The following MAP3K3 variants were observed in gnomAD, a reference collection of about 807,000 sequenced individuals.
The protein encoded by MAP3K3 is mitogen-activated protein kinase kinase kinase 3.
MAP3K3 carries 12 observed loss-of-function variants against 80.9 expected under a neutral mutation model. The ratio of observed to expected loss-of-function variants is 0.15; its 90% CI spans 0.10 to 0.24. MAP3K3 has a LOEUF of 0.24. MAP3K3 is among the 10% of genes least tolerant of loss of function. The pLI is 1.00. For missense variants in MAP3K3, 596 were observed against 834.7 expected (o/e 0.71, Z 3.52); for synonymous variants, 272 against 307.1 (o/e 0.89, Z 1.19).
chr17:63,632,837 G>T (rs376633157), intron 2 of MAP3K3, 35 bp downstream of exon 2: 4 of 1,611,816 alleles, frequency 2.5e-6, no homozygotes, highest in Non-Finnish European at 2.5e-6. Context: ...AGTGAGATTT[G>T]TTGGGGAGGG....
At chr17:63,676,252 C>G (rs2035217358) in intron 6 of MAP3K3, among the ~76,000 whole-genome samples, 1 of 152,114 alleles carries the variant, frequency 6.6e-6, no homozygotes, top group Non-Finnish European at 1.5e-5. Flanking sequence ...TGCTATTTTT[C>G]CCCCCAGACC....
intron 2 of MAP3K3, among the ~76,000 whole-genome samples, chr17:63,635,428 TA>T (rs1253640789): frequency 1.3e-5 from 2 of 152,188 alleles, no homozygotes; most frequent in Non-Finnish European, 2.9e-5. Context: ...AAAGGGGAAA[TA>T]AAATGCTAAG....
intron 2 of MAP3K3, among the ~76,000 whole-genome samples, chr17:63,640,871 C>A (rs1185985146): frequency 6.6e-6 from 1 of 152,164 alleles, no homozygotes; most frequent in Non-Finnish European, 1.5e-5. Context: ...GGGACAAACC[C>A]CCCAAACTAA....
chr17:63,630,358 C>T (rs913091415), intron 1 of MAP3K3, among the ~76,000 whole-genome samples: 3 of 152,098 alleles, frequency 2.0e-5, no homozygotes, highest in African/African-American at 4.8e-5. Context: ...GGGACAGGGT[C>T]TCACTGTCGC....
chr17:63,664,086 C>CA (rs796433141), intron 5 of MAP3K3, among the ~76,000 whole-genome samples: 6,009 of 140,540 alleles, frequency 0.043, 289 homozygotes, highest in African/African-American at 0.12. Flanking sequence ...ACTAAAAATA[C>CA]AAAAAAAAAA....
intron 2 of MAP3K3, 59 bp downstream of exon 2, chr17:63,632,861 A>T: frequency 6.2e-7 from 1 of 1,604,378 alleles, no homozygotes; most frequent in Admixed American, 1.7e-5. Context: ...TTCAAATGGG[A>T]AATATACGAA....
intron 11 of MAP3K3, 158 bp from the exon 12 acceptor site, chr17:63,690,106 C>T: frequency 1.3e-6 from 1 of 792,898 alleles, no homozygotes; most frequent in Non-Finnish European, 2.0e-6. Flanking sequence ...GTGACTAGGG[C>T]ACTGGGCTTG....
chr17:63,689,485 C>A lies in MAP3K3; in HGVS notation c.872-59C>A. 6.7e-7 allele frequency: 1 copy of A among 1,483,808 alleles called. No homozygotes were observed. Among genetic ancestry groups the A allele is most frequent in the Non-Finnish European group, 9.2e-7 (1 of 1,091,534 alleles). The allele number at this position is 1,483,808 out of a possible 1,614,324, so 91.9% of individuals were successfully genotyped here. ...CGGGGTGTCTCAGACCTGGTTTGTA[C>A]GTTCCGCCTCGTAGCCTGGGGTGTG... On this transcript the variant is annotated intron_variant, in intron 10 of 15. Coordinates refer to ENST00000361733, the MANE Select transcript of MAP3K3 (RefSeq NM_002401.5). The surrounding 1 kb of genome is among the most constrained non-coding windows in gnomAD (Gnocchi z 4.3).
intron 3 of MAP3K3, among the ~76,000 whole-genome samples, chr17:63,651,132 A>G (rs1186108262): frequency 1.3e-5 from 2 of 152,178 alleles, no homozygotes; most frequent in East Asian, 3.8e-4. Context: ...CCACTTTTAT[A>G]TATCAAAAAT....
At chr17:63,669,257 G>C (rs1398837165) in intron 6 of MAP3K3, among the ~76,000 whole-genome samples, 1 of 152,136 alleles carries the variant, frequency 6.6e-6, no homozygotes, top group African/African-American at 2.4e-5. Flanking sequence ...GGGGAGAGAG[G>C]AGAGGGCTTT....
At chr17:63,687,507 G>A (rs1452083539) in intron 8 of MAP3K3, among the ~76,000 whole-genome samples, 3 of 146,250 alleles carry the variant, frequency 2.1e-5, no homozygotes, top group Admixed American at 6.9e-5. Context: ...GTGAGATTCC[G>A]TCTCAAAAAG....
chr17:63,692,302 A>G lies in MAP3K3; in HGVS notation c.1535A>G (p.Lys512Arg), dbSNP rs1355988216. 6 of 1,613,966 alleles carry G rather than the reference A, an allele frequency of 3.7e-6. No homozygotes were observed. Among genetic ancestry groups the G allele is most frequent in the Non-Finnish European group, 2.5e-6 (3 of 1,180,008 alleles). Residue 512 changes from lysine (K) to arginine (R), a missense_variant, in exon 15 of 16, where the codon AAA (lysine) becomes AGA (arginine). Lys to Arg is a conservative substitution (Grantham distance 26, BLOSUM62 2). Transcript: ENST00000361733. The surrounding 1 kb of genome is among the most constrained non-coding windows in gnomAD (Gnocchi z 4.5). ...NVKLGDFGAS[K>R]RLQTICMSGT... ...AAGCTGGGGGACTTTGGGGCCAGCA[A>G]ACGCCTGCAGACGATCTGTATGTCG...
intron 4 of MAP3K3, among the ~76,000 whole-genome samples, chr17:63,656,913 G>A (rs1056497329): frequency 1.3e-5 from 2 of 152,094 alleles, no homozygotes; most frequent in African/African-American, 4.8e-5. Flanking sequence ...CAATCATGAC[G>A]GAAGGGAAAG....
Position 63,689,813 on chromosome 17 carries a change from T to C in MAP3K3, c.1063+78T>C. The C allele has an allele frequency of 1.4e-6, 2 of 1,416,778 alleles. No individual in the cohort carries two copies. The highest frequency in any genetic ancestry group is 1.9e-6 in the Non-Finnish European group (2 of 1,044,874). The allele number at this position is 1,416,778 out of a possible 1,614,324, so 87.8% of individuals were successfully genotyped here. A position where few individuals can be genotyped will look rare whatever the true frequency, so the allele number is the denominator to read the frequency against. On this transcript the variant is annotated intron_variant, in intron 11 of 15. Coordinates refer to ENST00000361733, the MANE Select transcript of MAP3K3 (RefSeq NM_002401.5). This position sits in a 1 kb window ranked among gnomAD's most constrained non-coding sequence, Gnocchi z 4.3. ...CTACGGGGGCAAACAGCTGGGCCCCTGGGACCCTTAGGCTCAGCAGGTGGT... is the reference window on the plus strand; with the variant it reads ...CTACGGGGGCAAACAGCTGGGCCCCCGGGACCCTTAGGCTCAGCAGGTGGT...
intron 2 of MAP3K3, among the ~76,000 whole-genome samples, chr17:63,640,787 C>T (rs1351834236): frequency 1.3e-5 from 2 of 152,178 alleles, no homozygotes; most frequent in Non-Finnish European, 1.5e-5. Flanking sequence ...GGAGACTCCT[C>T]TGTCCTAGGA....
At chr17:63,662,138 G>T (rs1225665347) in intron 5 of MAP3K3, among the ~76,000 whole-genome samples, 1 of 150,958 alleles carries the variant, frequency 6.6e-6, no homozygotes, top group Non-Finnish European at 1.5e-5. Flanking sequence ...GGGCATGGTG[G>T]CTCACACCTG....
At chr17:63,679,706 G>A (rs965871237) in intron 6 of MAP3K3, among the ~76,000 whole-genome samples, 1 of 152,050 alleles carries the variant, frequency 6.6e-6, no homozygotes, top group African/African-American at 2.4e-5. Flanking sequence ...TCAAACTCCT[G>A]GCCTCAAGCA....
In MAP3K3 at chr17:63,631,659, T is replaced by G. The variant is rs191365548; in HGVS notation, c.5-1022T>G. Among the ~76,000 whole-genome samples the G allele has an allele frequency of 8.2e-4, 125 of 152,322 alleles. 1 individual carries two copies. Among genetic ancestry groups the G allele is most frequent in the African/African-American group, 2.9e-3 (121 of 41,574 alleles). On this transcript the variant is annotated intron_variant, in intron 1 of 15. Coordinates refer to ENST00000361733, the MANE Select transcript of MAP3K3 (RefSeq NM_002401.5). ...AATTGGACTGGTTTGTGTTCTGGGT[T>G]TTGGCCAGTTGTTTTCAATGTATGA...
At position 63,689,548 on chromosome 17, in the gene MAP3K3, A is replaced by T. The variant is rs1187774612; in HGVS notation, c.876A>T (p.Arg292Ser). Residue 292 changes from arginine (R) to serine (S), a missense_variant, in exon 11 of 16, where the codon AGA becomes AGT. Coordinates refer to ENST00000361733, the MANE Select transcript of MAP3K3 (RefSeq NM_002401.5). This position sits in a 1 kb window ranked among gnomAD's most constrained non-coding sequence, Gnocchi z 4.3. ...SVHHKDYSDG[R>S]RTFPRIRRHQ... Reference sequence around the variant, plus strand: ...CTGGCCCTTGCACCCTTTCAGGCAGAAGAACATTTCCCCGAATACGGCGTC... The same window carrying T: ...CTGGCCCTTGCACCCTTTCAGGCAGTAGAACATTTCCCCGAATACGGCGTC... 6.2e-7 allele frequency: 1 copy of T among 1,612,802 alleles called. No individual in the cohort carries two copies. The highest frequency in any genetic ancestry group is 1.7e-5 in the Admixed American group (1 of 59,906).
Sources: allele counts gnomAD v4.1 joint callset (sites outside exome capture counted in the v4.1 genomes callset), GRCh38; gene constraint gnomAD v4.1.1; non-coding constraint Gnocchi (gnomAD v3.1); transcripts MANE v1.5; gene names NCBI Gene and HGNC (gene_info 2026-07-23, HGNC 2026-07-21).